The following NUDCD3 variants were observed in gnomAD, a reference collection of about 807,000 sequenced individuals.
The protein encoded by NUDCD3 is nudC domain-containing protein 3.
A neutral mutation model predicts 39.7 loss-of-function variants in NUDCD3; 13 were observed. The ratio of observed to expected loss-of-function variants is 0.33; its 90% confidence interval spans 0.21 to 0.52. The LOEUF (loss-of-function observed/expected upper bound fraction) is 0.52, where lower values mean the gene tolerates loss of function less well. NUDCD3 is among the 20% of genes least tolerant of loss of function. The pLI, the probability that NUDCD3 is intolerant of heterozygous loss-of-function variation, is 0.96. For missense variants in NUDCD3, 453 were observed against 458.1 expected, an observed-to-expected ratio of 0.99 and a Z score of 0.10; for synonymous variants, 175 against 172.4, an observed-to-expected ratio of 1.02 and a Z score of -0.12.
intron 2 of NUDCD3, among the ~76,000 whole-genome samples, chr7:44,465,826 A>G (rs1225436340): frequency 6.6e-6 from 1 of 152,212 alleles, no homozygotes; most frequent in Non-Finnish European, 1.5e-5. Context: ...ATATGCATAC[A>G]GCATTTTTCA....
chr7:44,445,126 T>A (rs1348254883), intron 2 of NUDCD3, among the ~76,000 whole-genome samples: 1 of 152,244 alleles, frequency 6.6e-6, no homozygotes, highest in Non-Finnish European at 1.5e-5. Flanking sequence ...TGACCCTTCC[T>A]GCTGCCTGCC....
intron 3 of NUDCD3, among the ~76,000 whole-genome samples, chr7:44,405,513 T>G (rs1457242822): frequency 6.6e-6 from 1 of 152,228 alleles, no homozygotes; most frequent in East Asian, 1.9e-4. Flanking sequence ...ATCTGTATAA[T>G]GTATGCATTA....
At chr7:44,465,398 A>G (rs1262140393) in intron 2 of NUDCD3, among the ~76,000 whole-genome samples, 1 of 152,176 alleles carries the variant, frequency 6.6e-6, no homozygotes, top group Non-Finnish European at 1.5e-5. Flanking sequence ...AACACAGCAG[A>G]CACCCACTGA....
At chr7:44,466,747 T>C (rs770348733) in intron 2 of NUDCD3, among the ~76,000 whole-genome samples, 5 of 152,200 alleles carry the variant, frequency 3.3e-5, no homozygotes, top group Non-Finnish European at 7.3e-5. Context: ...TACCCACTTA[T>C]TGGGAAGCTC....
chr7:44,416,810 G>C (rs1213997959), intron 3 of NUDCD3, among the ~76,000 whole-genome samples: 4 of 152,202 alleles, frequency 2.6e-5, no homozygotes, highest in African/African-American at 9.7e-5. Context: ...TGAGGTGAGA[G>C]AGAGCACTAG....
chr7:44,402,621 A>C (rs1329423292), intron 4 of NUDCD3: 4 of 456,364 alleles, frequency 8.8e-6, no homozygotes, highest in Non-Finnish European at 1.8e-5. Context: ...GTGCAACCGG[A>C]CCACACACGG....
In NUDCD3 at chr7:44,485,160, T is replaced by C. The variant is rs1800580745; in HGVS notation, c.317A>G (p.Lys106Arg). Residue 106 changes from lysine (K) to arginine (R), a missense_variant, in exon 2 of 6, where the codon AAG (lysine) becomes AGG (arginine). By Grantham distance (26) the Lys-to-Arg change is conservative (BLOSUM62 2). Coordinates refer to ENST00000355451, the MANE Select transcript of NUDCD3 (RefSeq NM_015332.4). ...CTGGACTGGAACTGGGACTGGCTCC[T>C]TCTCAGCTGCAGCAGCTGACACAGT... The part of the protein sequence containing the change: ...AKTVSAAAAE[K>R]EPVPVPVQEI... The C allele has an allele frequency of 3.1e-6, 5 of 1,614,188 alleles. No individual in the cohort carries two copies. The highest frequency in any genetic ancestry group is 4.2e-6 in the Non-Finnish European group (5 of 1,180,002).
intron 2 of NUDCD3, among the ~76,000 whole-genome samples, chr7:44,477,779 T>A (rs991437782): frequency 2.6e-5 from 4 of 151,670 alleles, no homozygotes. Flanking sequence ...GAGGCTCAAA[T>A]GGCACTTTTT....
chr7:44,409,581 A>T (rs1402020144), intron 3 of NUDCD3, among the ~76,000 whole-genome samples: 1 of 151,922 alleles, frequency 6.6e-6, no homozygotes, highest in East Asian at 1.9e-4. Flanking sequence ...AAAAAAAATT[A>T]GACAAAGAAA....
chr7:44,476,928 C>T (rs1050851181), intron 2 of NUDCD3, among the ~76,000 whole-genome samples: 3 of 152,154 alleles, frequency 2.0e-5, no homozygotes, highest in East Asian at 1.9e-4. Context: ...CCCATACCTA[C>T]GGAGACCAAG....
chr7:44,485,468 A>G (rs1800587024), intron 1 of NUDCD3, 184 bp from the exon 2 acceptor site: 1 of 555,312 alleles, frequency 1.8e-6, no homozygotes, highest in African/African-American at 1.9e-5. Context: ...AGTGTTTAAC[A>G]GGAGGATTCC....
intron 3 of NUDCD3, among the ~76,000 whole-genome samples, chr7:44,406,247 A>T (rs1036372691): frequency 6.6e-6 from 1 of 152,238 alleles, no homozygotes; most frequent in Non-Finnish European, 1.5e-5. Context: ...CCAAGGAAGC[A>T]TCCTCTCATG....
intron 2 of NUDCD3, among the ~76,000 whole-genome samples, chr7:44,472,928 C>G (rs552835864): frequency 1.3e-5 from 2 of 152,318 alleles, no homozygotes; most frequent in Admixed American, 1.3e-4. Context: ...ATCAAAATTA[C>G]AAACGCCATA....
intron 2 of NUDCD3, among the ~76,000 whole-genome samples, chr7:44,469,358 C>A (rs1429695883): frequency 6.6e-6 from 1 of 152,026 alleles, no homozygotes; most frequent in East Asian, 1.9e-4. Context: ...TCTAGAAACA[C>A]AAATGCCAAC....
chr7:44,465,009 C>T (rs556330638), intron 2 of NUDCD3, among the ~76,000 whole-genome samples: 4 of 152,246 alleles, frequency 2.6e-5, no homozygotes, highest in Admixed American at 2.0e-4. Flanking sequence ...AGGGCCCAAA[C>T]GAAGGTGTAA....
intron 3 of NUDCD3, among the ~76,000 whole-genome samples, chr7:44,416,357 G>A (rs2116888094): frequency 6.6e-6 from 1 of 152,220 alleles, no homozygotes; most frequent in Non-Finnish European, 1.5e-5. Context: ...CCAAAGTGCT[G>A]GGATTACAGG....
chr7:44,451,867 T>C (rs1799798933), intron 2 of NUDCD3, among the ~76,000 whole-genome samples: 1 of 152,218 alleles, frequency 6.6e-6, no homozygotes, highest in South Asian at 2.1e-4. Flanking sequence ...TATTTGGTGG[T>C]TGACAGAGTC....
rs1798309205 is a variant in NUDCD3 at position 44,381,799 on chromosome 7, G to A, written c.*4212C>T. ...GGGTGGCCACATTCCCACACCCCAT[G>A]TGTGCCTATCTCCATCAGCACTGAG... On this transcript the variant is annotated 3_prime_UTR_variant, in exon 6 of 6. Coordinates refer to ENST00000355451, the MANE Select transcript of NUDCD3 (RefSeq NM_015332.4). 6.6e-6 allele frequency: 1 copy of A among 152,382 alleles called. No individual in the cohort carries two copies. Among genetic ancestry groups the A allele is most frequent in the South Asian group, 2.1e-4 (1 of 4,836 alleles). 9.4% of individuals were successfully genotyped at this position (152,382 alleles called of 1,614,324 possible).
chr7:44,398,640 T>C (rs1373893095), intron 4 of NUDCD3, among the ~76,000 whole-genome samples: 2 of 152,236 alleles, frequency 1.3e-5, no homozygotes, highest in Non-Finnish European at 2.9e-5. Context: ...CCAGCATTTA[T>C]ATCCCTTTCC....
Sources: gnomAD v4.1 joint callset for allele counts (sites outside exome capture counted in the v4.1 genomes callset) on GRCh38, gnomAD v4.1.1 for gene constraint, MANE v1.5 for transcripts, NCBI Gene and HGNC (gene_info 2026-07-23, HGNC 2026-07-21) for gene names.